ARHGEF18: variants seen among roughly 807,000 people sequenced by gnomAD.
ARHGEF18 encodes rho guanine nucleotide exchange factor 18.
A neutral mutation model predicts 155.7 loss-of-function variants in ARHGEF18; 93 were observed. The ratio of observed to expected loss-of-function variants is 0.60; its 90% confidence interval spans 0.50 to 0.71. ARHGEF18 has a LOEUF of 0.71. Ranked by LOEUF, ARHGEF18 falls within the 30% of genes least tolerant of loss-of-function variation. The probability of loss-of-function intolerance (pLI) is 0.00; values close to 1 mark genes in which losing one functional copy is unlikely to be tolerated. For missense variants in ARHGEF18, 1,593 were observed against 1,816.1 expected (o/e 0.88, Z 2.23); for synonymous variants, 742 against 753.1 (o/e 0.99, Z 0.24).
intron 1 of ARHGEF18, among the ~76,000 whole-genome samples, chr19:7,353,957 T>TTA (rs1425246069): frequency 7.3e-6 from 1 of 136,316 alleles, no homozygotes; most frequent in African/African-American, 2.7e-5. Context: ...AGACTCTGTC[T>TTA]AAAAAAAAAA....
At chr19:7,460,056 G>C (rs1000728269) in intron 20 of ARHGEF18, 62 bp downstream of exon 20, 1 of 1,494,936 alleles carries the variant, frequency 6.7e-7, no homozygotes, top group Non-Finnish European at 9.1e-7. Flanking sequence ...CCTCCATCAG[G>C]ACTGGCCACA....
At chr19:7,410,395 TACACAC>T (rs975420548) in intron 10 of ARHGEF18, among the ~76,000 whole-genome samples, 1 of 151,694 alleles carries the variant, frequency 6.6e-6, no homozygotes, top group East Asian at 1.9e-4. Flanking sequence ...TATATATATA[TACACAC>T]ACACATACAT....
downstream of ARHGEF18, chr19:7,477,226 GCCGCCGGCCCGGGCCGC>G: frequency 6.5e-7 from 1 of 1,527,024 alleles, no homozygotes; most frequent in Non-Finnish European, 8.8e-7. Flanking sequence ...CCTCGGCCTG[GCCGCCGGCCCGGGCCGC>G]CTGGTACATG....
chr19:7,436,989 G>A (rs1974298920), intron 10 of ARHGEF18, among the ~76,000 whole-genome samples: 2 of 152,190 alleles, frequency 1.3e-5, no homozygotes, highest in African/African-American at 4.8e-5. Context: ...AGAATGAACA[G>A]CTACTGAGTA....
intron 1 of ARHGEF18, among the ~76,000 whole-genome samples, chr19:7,359,479 A>G (rs1969455729): frequency 6.8e-6 from 1 of 146,314 alleles, no homozygotes; most frequent in South Asian, 2.1e-4. Context: ...CTATGACACC[A>G]GGATTGGGGC....
At chr19:7,391,287 G>A (rs1438411177) in intron 10 of ARHGEF18, among the ~76,000 whole-genome samples, 3 of 152,138 alleles carry the variant, frequency 2.0e-5, no homozygotes, top group Non-Finnish European at 4.4e-5. Context: ...ACAGACGGAG[G>A]AAACAGCCTC....
rs754888290 is a variant in ARHGEF18 at position 7,463,881 on chromosome 19, GAGGC to G, written c.2702_2705del (p.Gly901AlafsTer50). The G allele has an allele frequency of 1.2e-6, 2 of 1,602,418 alleles. No homozygotes were observed. On this transcript the variant is annotated frameshift_variant, in exon 22 of 29. Transcript: ENST00000668164. LOFTEE classifies it high-confidence loss of function. This position sits in a 1 kb window ranked among gnomAD's most constrained non-coding sequence, Gnocchi z 5.2. ...AGCGCCAACGGCCAGGCGGAAGACG[GAGGC>G]AGCTCCACAGGCCCGCCCAGGAGGG...
intron 2 of ARHGEF18, among the ~76,000 whole-genome samples, chr19:7,369,472 AG>A (rs1005601038): frequency 4.6e-5 from 7 of 151,188 alleles, no homozygotes; most frequent in African/African-American, 1.7e-4. Flanking sequence ...AGGAAAAAAA[AG>A]AAAAAAAAAA....
chr19:7,380,819 A>G (rs967154758), intron 7 of ARHGEF18, 98 bp from the exon 8 acceptor site: 2 of 725,456 alleles, frequency 2.8e-6, no homozygotes, highest in African/African-American at 3.7e-5. Context: ...GGGCTCTTAG[A>G]CGGGGTACCT....
At chr19:7,435,790 C>T (rs1175716134) in intron 10 of ARHGEF18, among the ~76,000 whole-genome samples, 2 of 152,194 alleles carry the variant, frequency 1.3e-5, no homozygotes, top group East Asian at 3.9e-4. Context: ...TCAGTGGCCG[C>T]ATGTGTTCCA....
chr19:7,446,933 G>T, intron 14 of ARHGEF18, 110 bp from the exon 15 acceptor site: 3 of 1,285,512 alleles, frequency 2.3e-6, no homozygotes, highest in Non-Finnish European at 3.2e-6. Context: ...AAAGAAAATG[G>T]AATTGCAAAT....
At chr19:7,459,070 A>C (rs1976032732) in intron 19 of ARHGEF18, among the ~76,000 whole-genome samples, 1 of 151,902 alleles carries the variant, frequency 6.6e-6, no homozygotes, top group Admixed American at 6.6e-5. Flanking sequence ...TTTGAGACAG[A>C]GTCTTGCTCT....
chr19:7,458,431 C>A, intron 18 of ARHGEF18, 81 bp from the exon 19 acceptor site: 1 of 1,369,468 alleles, frequency 7.3e-7, no homozygotes, highest in Non-Finnish European at 1.0e-6. Flanking sequence ...TCTTAGTTCC[C>A]CTCACCAGGC....
rs767743528 is a variant in ARHGEF18, at chr19:7,459,946, G to A, written c.2404G>A (p.Glu802Lys). The A allele has an allele frequency of 6.3e-7, 1 of 1,592,314 alleles. No homozygotes were observed. Among genetic ancestry groups the A allele is most frequent in the Non-Finnish European group, 8.6e-7 (1 of 1,169,428 alleles). Residue 802 changes from glutamate (E) to lysine (K), a missense_variant, in exon 20 of 29, where the codon GAA becomes AAA. By Grantham distance (56) the Glu-to-Lys change is moderately conservative (BLOSUM62 1). Coordinates refer to ENST00000668164, the MANE Select transcript of ARHGEF18 (RefSeq NM_001367823.1). Reference protein sequence around the residue: ...EEGPFSLPEEERKVVEARATR... With the variant: ...EEGPFSLPEEKRKVVEARATR... ...GGGGCCCTTCAGCCTGCCCGAAGAG[G>A]AAAGGAAGGTGGTCGAGGCCCGCGC...
intron 12 of ARHGEF18, 39 bp downstream of exon 12, chr19:7,441,804 TC>T: frequency 1.2e-6 from 2 of 1,613,410 alleles, no homozygotes; most frequent in Non-Finnish European, 1.7e-6. Flanking sequence ...GCCACACAGT[TC>T]CTGTCTCTCC....
In ARHGEF18 at chr19:7,441,688, C is replaced by A; in HGVS notation, c.1142C>A (p.Ala381Glu). The change falls in exon 12 of 29, where the codon GCG (alanine) becomes GAG (glutamate). Residue 381 changes from alanine (A) to glutamate (E), a missense_variant. Physicochemically the swap from Ala to Glu is moderately radical, Grantham distance 107 (BLOSUM62 -1). Coordinates refer to ENST00000668164, the MANE Select transcript of ARHGEF18 (RefSeq NM_001367823.1). Reference protein sequence around the residue: ...ITGEMDEADSAFLKFKQTADD... With the variant: ...ITGEMDEADSEFLKFKQTADD... ...GGAGAGATGGATGAAGCCGATTCTG[C>A]GTTTTTAAAATTTAAGCAGACAGCT... The A allele has an allele frequency of 6.2e-7, 1 of 1,614,182 alleles. No individual in the cohort carries two copies. Among genetic ancestry groups the A allele is most frequent in the East Asian group, 2.2e-5 (1 of 44,886 alleles).
chr19:7,350,670 C>A (rs892845181), intron 1 of ARHGEF18, among the ~76,000 whole-genome samples: 31 of 152,116 alleles, frequency 2.0e-4, no homozygotes, highest in Non-Finnish European at 5.9e-5. Flanking sequence ...GTTCAAATCC[C>A]AGTTCCCTGG....
At chr19:7,424,287 G>A (rs7249195) in intron 10 of ARHGEF18, among the ~76,000 whole-genome samples, 81,121 of 151,788 alleles carry the variant, frequency 0.53, 22,043 homozygotes, top group Middle Eastern at 0.74. Context: ...CAGCCTCCCA[G>A]AGTGCTGGGA....
Position 7,441,718 on chromosome 19 carries a change from ACT to A in ARHGEF18, c.1177_1178del (p.Leu393ValfsTer23), listed in dbSNP as rs1568337756. 12 of 1,614,042 alleles carry A rather than the reference ACT, an allele frequency of 7.4e-6. No individual in the cohort carries two copies. Among genetic ancestry groups the A allele is most frequent in the East Asian group, 2.2e-5 (1 of 44,874 alleles). ...TTAAAATTTAAGCAGACAGCTGATG[ACT>A]CTCTGTCCCTTACATCTCCAAACAC... is the stretch of plus-strand genomic sequence containing the variant. On this transcript the variant is annotated frameshift_variant, in exon 12 of 29. Transcript: ENST00000668164. LOFTEE classifies it high-confidence loss of function.
Sources: gnomAD v4.1 joint callset for allele counts (sites outside exome capture counted in the v4.1 genomes callset) on GRCh38, gnomAD v4.1.1 for gene constraint, Gnocchi (gnomAD v3.1) non-coding constraint, MANE v1.5 for transcripts, NCBI Gene and HGNC (gene_info 2026-07-23, HGNC 2026-07-21) for gene names.